PCNX2: variants seen among roughly 807,000 people sequenced by gnomAD.
PCNX2 encodes the protein pecanex-like protein 2.
In PCNX2, 168 loss-of-function variants were observed where a neutral mutation model predicts 223.8. That is an observed-to-expected ratio of 0.75 (90% confidence interval 0.66 to 0.85). The LOEUF is 0.85. PCNX2 is among the 40% of genes least tolerant of loss of function. The pLI, the probability that PCNX2 is intolerant of heterozygous loss-of-function variation, is 0.00. For missense variants in PCNX2, 2,507 were observed against 2,675.5 expected, an observed-to-expected ratio of 0.94 and a Z score of 1.39; for synonymous variants, 1,006 against 1,052.6, an observed-to-expected ratio of 0.96 and a Z score of 0.86.
At chr1:233,177,261 C>T (rs1185807952) in intron 17 of PCNX2, among the ~76,000 whole-genome samples, 2 of 152,210 alleles carry the variant, frequency 1.3e-5, no homozygotes, top group African/African-American at 4.8e-5. Context: ...TCCAAGCAAG[C>T]ATTAGGTCAT....
chr1:233,166,629 T>C (rs1232403519), intron 17 of PCNX2, among the ~76,000 whole-genome samples: 1 of 152,162 alleles, frequency 6.6e-6, no homozygotes, highest in Non-Finnish European at 1.5e-5. Flanking sequence ...ACTGAGCTTT[T>C]TACTCTTGAT....
chr1:233,203,551 C>A (rs1252410445), intron 13 of PCNX2, among the ~76,000 whole-genome samples: 3 of 152,158 alleles, frequency 2.0e-5, no homozygotes, highest in Non-Finnish European at 2.9e-5. Context: ...CCTCCTTATT[C>A]ATCTGAATTT....
intron 32 of PCNX2, among the ~76,000 whole-genome samples, chr1:232,988,349 C>T (rs1669567367): frequency 1.3e-5 from 2 of 152,020 alleles, no homozygotes; most frequent in Non-Finnish European, 2.9e-5. Context: ...AGGGAAGTGG[C>T]CTGCTGTAGT....
intron 23 of PCNX2, among the ~76,000 whole-genome samples, chr1:233,059,868 T>G (rs1672338630): frequency 6.6e-6 from 1 of 152,198 alleles, no homozygotes. Context: ...AGAAGAAACC[T>G]AAGAATGCAG....
intron 15 of PCNX2, among the ~76,000 whole-genome samples, chr1:233,186,234 G>C (rs1253457526): frequency 6.6e-6 from 1 of 151,964 alleles, no homozygotes; most frequent in East Asian, 1.9e-4. Context: ...TTAAACATAG[G>C]GACATTTTTG....
In PCNX2 at chr1:233,259,104, A is replaced by C. The variant is rs774336048; in HGVS notation, c.758T>G (p.Leu253Trp). ...CAAAGACAGGTGGGGCAACTTCTTC[A>C]AGGGTCCCTTATCCACTAAGCCACC... ...SEGGLVDKGP[L>W]KKLPHLSLSQ... The change falls in exon 5 of 34, where the codon TTG becomes TGG. Residue 253 changes from leucine to tryptophan, a missense_variant. By Grantham distance (61) the Leu-to-Trp change is moderately conservative. Around this residue, in one of 3 missense-constraint regions of PCNX2, gnomAD observed 1,031 missense variants for 1,021.7 expected, o/e 1.01. Coordinates refer to ENST00000258229, the MANE Select transcript of PCNX2 (RefSeq NM_014801.4). 1 of 1,613,978 alleles carries C rather than the reference A, an allele frequency of 6.2e-7. No individual in the cohort carries two copies. The highest frequency in any genetic ancestry group is 1.1e-5 in the South Asian group (1 of 91,078).
chr1:233,257,627 C>A (rs1196654437), intron 5 of PCNX2, among the ~76,000 whole-genome samples: 1 of 152,184 alleles, frequency 6.6e-6, no homozygotes, highest in African/African-American at 2.4e-5. Flanking sequence ...TAGAACTCAG[C>A]AGGAAAAGTA....
chr1:233,231,864 G>C (rs1448982678), intron 9 of PCNX2, among the ~76,000 whole-genome samples: 3 of 152,234 alleles, frequency 2.0e-5, no homozygotes, highest in Admixed American at 6.5e-5. Context: ...AGGAACACTG[G>C]GTCAGGGTCC....
chr1:233,175,513 T>C (rs183243089), intron 17 of PCNX2, among the ~76,000 whole-genome samples: 136 of 152,260 alleles, frequency 8.9e-4, no homozygotes, highest in African/African-American at 3.1e-3. Flanking sequence ...AGTCATGAAA[T>C]CAAGGAAGAT....
chr1:233,250,754 C>G lies in PCNX2; in HGVS notation c.2207G>C (p.Cys736Ser). The change falls in exon 8 of 34, where the codon TGT (cysteine) becomes TCT (serine). Residue 736 changes from cysteine to serine, a missense_variant. Physicochemically the swap from Cys to Ser is moderately radical, Grantham distance 112. This residue lies in a region of PCNX2 where 1,031 missense variants were observed against 1,021.7 expected (regional missense o/e 1.01). Coordinates refer to ENST00000258229, the MANE Select transcript of PCNX2 (RefSeq NM_014801.4). ...CTCCACTCACCGAGCCTGAGAGAGA[C>G]AGTCATTATTTGATGGTAGAGGCTG... ...PLQPLPSNND[C>S]LSQAREMQVS... 1 of 1,606,296 alleles carries G rather than the reference C, an allele frequency of 6.2e-7. No homozygotes were observed. Among genetic ancestry groups the G allele is most frequent in the Non-Finnish European group, 8.5e-7 (1 of 1,176,402 alleles).
chr1:233,291,076 T>C, intron 1 of PCNX2: 1 of 985,390 alleles, frequency 1.0e-6, no homozygotes, highest in Non-Finnish European at 1.2e-6. Context: ...TTCAAAGTGC[T>C]CTTATATGTA....
chr1:233,235,978 A>ATG (rs1658384655), intron 9 of PCNX2, among the ~76,000 whole-genome samples: 1 of 144,588 alleles, frequency 6.9e-6, no homozygotes, highest in Admixed American at 6.9e-5. Flanking sequence ...ATATATATAT[A>ATG]TATATATAAT....
In PCNX2 at chr1:232,986,362, C is replaced by G. The variant is rs372086633; in HGVS notation, c.5970G>C (p.Ser1990=). The G allele has an allele frequency of 3.7e-6, 6 of 1,601,310 alleles. No homozygotes were observed. The highest frequency in any genetic ancestry group is 8.5e-7 in the Non-Finnish European group (1 of 1,174,004). The change falls in exon 33 of 34, where the codon TCG becomes TCC. Residue 1990 remains serine, a synonymous_variant. Transcript: ENST00000258229. ...LSGSRLSLHA[S]ATSLHSQPPP... is the part of the protein sequence containing the mutation. Reference sequence around the variant, plus strand: ...GGGGCTGAGAGTGCAGGGACGTGGCCGAGGCGTGCAAGGAGAGCCGGCTGC... The same window carrying G: ...GGGGCTGAGAGTGCAGGGACGTGGCGGAGGCGTGCAAGGAGAGCCGGCTGC...
chr1:233,032,129 T>C (rs944653583), intron 25 of PCNX2: 5 of 894,492 alleles, frequency 5.6e-6, no homozygotes, highest in Non-Finnish European at 6.7e-6. Flanking sequence ...TGAGATAGAG[T>C]TTCACTCTTG....
intron 22 of PCNX2, among the ~76,000 whole-genome samples, chr1:233,092,403 C>T (rs2102942575): frequency 6.6e-6 from 1 of 152,146 alleles, no homozygotes; most frequent in Non-Finnish European, 1.5e-5. Context: ...CTAAAATTTC[C>T]CCAGAGATTA....
intron 18 of PCNX2, 92 bp downstream of exon 18, chr1:233,161,179 A>G (rs1434484656): frequency 2.5e-6 from 3 of 1,178,042 alleles, no homozygotes; most frequent in Non-Finnish European, 3.7e-6. Context: ...TCTCTGGCTC[A>G]CGTGTCTTGT....
At chr1:233,136,725 A>C (rs1357557223) in intron 20 of PCNX2, among the ~76,000 whole-genome samples, 2 of 152,196 alleles carry the variant, frequency 1.3e-5, no homozygotes, top group Non-Finnish European at 2.9e-5. Flanking sequence ...TGAAAAGATG[A>C]CGTCAGGTCC....
the PCNX2 span, among the ~76,000 whole-genome samples, chr1:233,314,520 T>C: frequency 6.6e-6 from 1 of 152,174 alleles, no homozygotes; most frequent in African/African-American, 2.4e-5. Flanking sequence ...TGGAGGCAAC[T>C]GATCAAGAGA....
rs1299358848 is a variant in PCNX2 at position 233,253,072 on chromosome 1, C to T, written c.1835-284G>A. 2.6e-5 allele frequency among the ~76,000 whole-genome samples: 4 copies of T among 152,110 alleles called. No individual in the cohort carries two copies. The highest frequency in any genetic ancestry group is 9.7e-5 in the African/African-American group (4 of 41,404). On this transcript the variant is annotated intron_variant, in intron 5 of 33. Transcript: ENST00000258229. This position sits in a 1 kb window ranked among gnomAD's most constrained non-coding sequence, Gnocchi z 4.2. ...GGACTCCCTTGAAATAACTCGGTGACCATACATGTGCCCAGCTGGAAATCA... is the reference window on the plus strand; with the variant it reads ...GGACTCCCTTGAAATAACTCGGTGATCATACATGTGCCCAGCTGGAAATCA...
Sources: gnomAD v4.1 joint callset for allele counts (sites outside exome capture counted in the v4.1 genomes callset) on GRCh38, gnomAD v4.1.1 for gene constraint, gnomAD v4.1.1 regional missense constraint, Gnocchi (gnomAD v3.1) non-coding constraint, MANE v1.5 for transcripts, NCBI Gene and HGNC (gene_info 2026-07-23, HGNC 2026-07-21) for gene names.